NMUR2: variants seen among roughly 807,000 people sequenced by gnomAD.
The protein encoded by NMUR2 is neuromedin-U receptor 2.
A neutral mutation model predicts 25.1 loss-of-function variants in NMUR2; 24 were observed. The ratio of observed to expected loss-of-function variants is 0.96; its 90% CI spans 0.69 to 1.34. The LOEUF is 1.34. Among genes scored for constraint, NMUR2 ranks in the 40% most tolerant of loss-of-function variants. The probability of loss-of-function intolerance (pLI) is 0.00; values close to 1 mark genes in which losing one functional copy is unlikely to be tolerated. For missense variants in NMUR2, 533 were observed against 512.8 expected (o/e 1.04, Z -0.38); for synonymous variants, 218 against 208.1 (o/e 1.05, Z -0.41).
chr5:152,399,080 C>A lies in NMUR2; in HGVS notation c.727-936G>T, dbSNP rs147016370. On this transcript the variant is annotated intron_variant, in intron 1 of 3. Transcript: ENST00000255262. ...CTCCCACAGCACTGAAGATCTACATCATTCATCCAGTTGTGGAAGTTTTTC... is the reference window on the plus strand; with the variant it reads ...CTCCCACAGCACTGAAGATCTACATAATTCATCCAGTTGTGGAAGTTTTTC... Among the ~76,000 whole-genome samples the A allele has an allele frequency of 2.3e-4, 35 of 152,218 alleles. No homozygotes were observed. The East Asian group carries it at 6.8e-3, about 29-fold the overall frequency.
intron 1 of NMUR2, 91 bp downstream of exon 1, chr5:152,404,297 G>A (rs1280721021): frequency 1.4e-6 from 2 of 1,448,134 alleles, no homozygotes; most frequent in Non-Finnish European, 1.9e-6. Context: ...TTCCATTTCT[G>A]AATTTCCCCA....
intron 2 of NMUR2, 27 bp from the exon 3 acceptor site, chr5:152,395,611 C>A: frequency 6.2e-7 from 1 of 1,611,050 alleles, no homozygotes; most frequent in Non-Finnish European, 8.5e-7. Flanking sequence ...AATGGGAGAC[C>A]AGAAGACAGT....
rs146688418 is a variant in NMUR2, at chr5:152,392,416, C to T, written c.1023G>A (p.Val341=). 41 of 1,614,022 alleles carry T rather than the reference C, an allele frequency of 2.5e-5. No individual in the cohort carries two copies. The African/African-American group carries it at 4.7e-4, about 18-fold the overall frequency. ...SRRFQAAFQN[V]ISSFHKQWHS... is the part of the protein sequence containing the mutation. ...GCCACTGTTTGTGGAAAGAAGAGAT[C>T]ACATTCTGGAATGCTGCCTGGAAGC... Residue 341 remains valine, a synonymous_variant, in exon 4 of 4, where the codon GTG becomes GTA. Coordinates refer to ENST00000255262, the MANE Select transcript of NMUR2 (RefSeq NM_020167.5).
intron 3 of NMUR2, among the ~76,000 whole-genome samples, chr5:152,395,017 C>A (rs1753125385): frequency 6.6e-6 from 1 of 152,096 alleles, no homozygotes; most frequent in African/African-American, 2.4e-5. Flanking sequence ...GTATCCTCAA[C>A]AAGCAGAGTT....
intron 1 of NMUR2, among the ~76,000 whole-genome samples, chr5:152,401,521 A>G (rs1753254025): frequency 6.6e-6 from 1 of 152,216 alleles, no homozygotes; most frequent in Non-Finnish European, 1.5e-5. Flanking sequence ...TATCTCTATA[A>G]TCTTAACACA....
intron 3 of NMUR2, among the ~76,000 whole-genome samples, chr5:152,395,097 C>T (rs1753126407): frequency 1.3e-5 from 2 of 152,112 alleles, no homozygotes. Context: ...GGATATAATA[C>T]TTCCCAAAGG....
At chr5:152,396,145 G>A (rs1046458934) in intron 2 of NMUR2, among the ~76,000 whole-genome samples, 17 of 151,448 alleles carry the variant, frequency 1.1e-4, no homozygotes, top group African/African-American at 4.1e-4. Flanking sequence ...TCCCAAAACA[G>A]AGACTGGTAT....
chr5:152,395,673 G>A (rs567440439), intron 2 of NMUR2, 89 bp from the exon 3 acceptor site: 3 of 1,464,800 alleles, frequency 2.0e-6, no homozygotes, highest in East Asian at 4.9e-5. Context: ...ATTTCTTCTG[G>A]CAGTTTTTCC....
At chr5:152,393,176 G>A (rs180833565) in intron 3 of NMUR2, among the ~76,000 whole-genome samples, 1 of 152,250 alleles carries the variant, frequency 6.6e-6, no homozygotes, top group Non-Finnish European at 1.5e-5. Context: ...GGGAATCAGA[G>A]GACCTAGTTT....
At chr5:152,393,853 G>A (rs952127315) in intron 3 of NMUR2, among the ~76,000 whole-genome samples, 4 of 152,112 alleles carry the variant, frequency 2.6e-5, no homozygotes, top group African/African-American at 7.2e-5. Context: ...AGGGTATATA[G>A]CACGCATAAG....
chr5:152,398,218 TAACTC>T, intron 1 of NMUR2, 74 bp from the exon 2 acceptor site: 1 of 1,030,452 alleles, frequency 9.7e-7, no homozygotes, highest in Non-Finnish European at 1.5e-6. Context: ...CTGAGAAACA[TAACTC>T]AAACGCTCAT....
At chr5:152,402,621 A>T (rs12658265) in intron 1 of NMUR2, among the ~76,000 whole-genome samples, 31,679 of 152,060 alleles carry the variant, frequency 0.21, 3,281 homozygotes, top group East Asian at 0.29. Context: ...TGCATTTCCT[A>T]CTCAAAGTTA....
chr5:152,395,399 G>A (rs1753130891), intron 3 of NMUR2, 60 bp downstream of exon 3: 1 of 1,598,128 alleles, frequency 6.3e-7, no homozygotes, highest in Admixed American at 1.7e-5. Flanking sequence ...TAAGCAAGAT[G>A]AAGAAGAAGG....
intron 2 of NMUR2, among the ~76,000 whole-genome samples, chr5:152,396,045 C>T (rs1753142760): frequency 1.3e-5 from 2 of 152,060 alleles, no homozygotes; most frequent in African/African-American, 4.8e-5. Flanking sequence ...CCTAATAGTA[C>T]TTTACAAGAA....
At chr5:152,396,114 T>C (rs574196513) in intron 2 of NMUR2, among the ~76,000 whole-genome samples, 22 of 152,238 alleles carry the variant, frequency 1.4e-4, no homozygotes, top group African/African-American at 5.3e-4. Flanking sequence ...ACAGAATTCC[T>C]TCCCATCTCT....
intron 1 of NMUR2, among the ~76,000 whole-genome samples, chr5:152,401,375 G>A (rs543622282): frequency 2.0e-5 from 3 of 152,150 alleles, no homozygotes; most frequent in African/African-American, 7.2e-5. Context: ...GGAGGTTCGC[G>A]AGGTTATTAT....
At chr5:152,392,656 G>A (rs1304512271) in intron 3 of NMUR2, among the ~76,000 whole-genome samples, 155 bp from the exon 4 acceptor site, 1 of 152,160 alleles carries the variant, frequency 6.6e-6, no homozygotes, top group East Asian at 1.9e-4. Flanking sequence ...AATACAAAAT[G>A]CTCTGAATAG....
At chr5:152,404,308 A>G in intron 1 of NMUR2, 80 bp downstream of exon 1, 3 of 1,487,348 alleles carry the variant, frequency 2.0e-6, no homozygotes, top group Non-Finnish European at 2.7e-6. Context: ...AATTTCCCCA[A>G]TTCTAAGTTT....
At chr5:152,398,794 T>C (rs1194612612) in intron 1 of NMUR2, among the ~76,000 whole-genome samples, 7 of 152,172 alleles carry the variant, frequency 4.6e-5, no homozygotes, top group Non-Finnish European at 7.4e-5. Flanking sequence ...CCTTGTACCA[T>C]CTTGACAAAC....
Sources: allele counts gnomAD v4.1 joint callset (sites outside exome capture counted in the v4.1 genomes callset), GRCh38; gene constraint gnomAD v4.1.1; transcripts MANE v1.5; gene names NCBI Gene and HGNC (gene_info 2026-07-23, HGNC 2026-07-21).